JHY: variants seen among roughly 807,000 people sequenced by gnomAD.
JHY encodes junctional cadherin complex regulator, also known as jhy protein homolog.
Under a neutral mutation model 78.0 loss-of-function variants are expected in JHY, and 69 were observed. The observed-to-expected ratio is 0.88, with a 90% CI of 0.73 to 1.08. The LOEUF is 1.08. Among genes scored for constraint, JHY ranks in the 50% least tolerant of loss-of-function variants. JHY has a pLI of 0.00. For synonymous variants in JHY, 368 were observed against 342.6 expected (o/e 1.07, Z -0.82); for missense variants, 944 against 927.8 (o/e 1.02, Z -0.23).
intron 6 of JHY, among the ~76,000 whole-genome samples, chr11:122,955,723 TATAA>T (rs1216985168): frequency 6.6e-6 from 1 of 152,224 alleles, no homozygotes; most frequent in Non-Finnish European, 1.5e-5. Flanking sequence ...TCTTGAATAT[TATAA>T]ATAGATTATC....
At chr11:122,956,245 GTTTC>G (rs939301709) in intron 6 of JHY, among the ~76,000 whole-genome samples, 81 of 152,228 alleles carry the variant, frequency 5.3e-4, no homozygotes, top group African/African-American at 1.8e-3. Flanking sequence ...AGAATTTTAA[GTTTC>G]TTTATTGCAG....
In JHY at chr11:122,885,871, C is replaced by A; in HGVS notation, c.22C>A (p.Pro8Thr). The change falls in exon 2 of 9, where the codon CCC (proline) becomes ACC (threonine). Residue 8 changes from proline to threonine, a missense_variant. Physicochemically the swap from Pro to Thr is conservative, Grantham distance 38. Coordinates refer to ENST00000227349, the MANE Select transcript of JHY (RefSeq NM_024806.4). MSKRKLI[P>T]KLSIQSPVLH... ...CAAGATGAGTAAACGTAAACTAATT[C>A]CCAAGCTCTCTATTCAATCTCCTGT... 1 of 1,609,844 alleles carries A rather than the reference C, an allele frequency of 6.2e-7. No individual in the cohort carries two copies. Among genetic ancestry groups the A allele is most frequent in the Non-Finnish European group, 8.5e-7 (1 of 1,177,064 alleles).
At chr11:122,942,032 C>T (rs1863884434) in intron 5 of JHY, among the ~76,000 whole-genome samples, 2 of 152,062 alleles carry the variant, frequency 1.3e-5, no homozygotes, top group Admixed American at 6.6e-5. Context: ...ACACCATGCC[C>T]AGCTAATTTT....
chr11:122,947,345 C>T (rs1389202601), intron 6 of JHY: 1 of 152,574 alleles, frequency 6.6e-6, no homozygotes, highest in East Asian at 1.9e-4. Context: ...GAACTTTCCT[C>T]TCAAACATTA....
chr11:122,919,285 G>A (rs922801087), intron 3 of JHY, among the ~76,000 whole-genome samples: 1 of 149,782 alleles, frequency 6.7e-6, no homozygotes, highest in Non-Finnish European at 1.5e-5. Context: ...CCTGGGAGGC[G>A]GAGGTTGCAG....
chr11:122,941,358 C>T (rs1359375827), intron 5 of JHY, among the ~76,000 whole-genome samples: 1 of 152,198 alleles, frequency 6.6e-6, no homozygotes, highest in Admixed American at 6.5e-5. Flanking sequence ...GGTTCTTCCT[C>T]ATGCTTCTCC....
intron 2 of JHY, among the ~76,000 whole-genome samples, chr11:122,899,619 G>C (rs1447924674): frequency 6.6e-6 from 1 of 152,162 alleles, no homozygotes; most frequent in Non-Finnish European, 1.5e-5. Flanking sequence ...CAGCATACTA[G>C]GGCAGAAGTT....
rs185907246 is a variant in JHY at position 122,909,281 on chromosome 11, G to A, written c.864+4837G>A. 2.8e-3 allele frequency among the ~76,000 whole-genome samples: 430 copies of A among 152,232 alleles called. 1 individual carries two copies. The highest frequency in any genetic ancestry group is 4.0e-3 in the Non-Finnish European group (274 of 68,014). Reference sequence around the variant, plus strand: ...GAGAATAAATTAGTATAACCAGTACGGAGGACAATTTGTTAATATCTACTT... The same window carrying A: ...GAGAATAAATTAGTATAACCAGTACAGAGGACAATTTGTTAATATCTACTT... On this transcript the variant is annotated intron_variant, in intron 3 of 8. Coordinates refer to ENST00000227349, the MANE Select transcript of JHY (RefSeq NM_024806.4).
chr11:122,906,570 A>C (rs1862998772), intron 3 of JHY, among the ~76,000 whole-genome samples: 1 of 152,182 alleles, frequency 6.6e-6, no homozygotes, highest in African/African-American at 2.4e-5. Flanking sequence ...TTCTCAAAAG[A>C]AGCTGATCCG....
chr11:122,911,935 A>G (rs1287775768), intron 3 of JHY, among the ~76,000 whole-genome samples: 2 of 131,050 alleles, frequency 1.5e-5, no homozygotes, highest in Non-Finnish European at 3.3e-5. Flanking sequence ...AAAAAAAAAA[A>G]GAGACAAAGT....
At chr11:122,924,189 G>A (rs1260269531) in intron 3 of JHY, among the ~76,000 whole-genome samples, 3 of 151,932 alleles carry the variant, frequency 2.0e-5, no homozygotes, top group African/African-American at 7.3e-5. Flanking sequence ...TCTAACTAAA[G>A]TTGAGAACCA....
At chr11:122,906,812 A>C (rs1252995127) in intron 3 of JHY, among the ~76,000 whole-genome samples, 1 of 152,168 alleles carries the variant, frequency 6.6e-6, no homozygotes, top group Non-Finnish European at 1.5e-5. Context: ...TCTTTGTGCC[A>C]TGGAGGAAAC....
Position 122,956,515 on chromosome 11 carries a change from A to G in JHY, c.1949A>G (p.Tyr650Cys). The G allele has an allele frequency of 6.2e-7, 1 of 1,613,666 alleles. No homozygotes were observed. ...TTTTAGAACACCAAGCTGAAAGGTTATCAGAAAAGAGACGTGAAGCTTGGA... is the reference window on the plus strand; with the variant it reads ...TTTTAGAACACCAAGCTGAAAGGTTGTCAGAAAAGAGACGTGAAGCTTGGA... ...SSSKNTKLKGYQKRDVKLGGL... is the reference protein window; with the variant it reads ...SSSKNTKLKGCQKRDVKLGGL... Residue 650 changes from tyrosine to cysteine, a missense_variant, in exon 7 of 9, where the codon TAT becomes TGT. Transcript: ENST00000227349.
intron 2 of JHY, among the ~76,000 whole-genome samples, chr11:122,895,767 A>G (rs976473355): frequency 3.3e-5 from 5 of 152,216 alleles, no homozygotes; most frequent in Non-Finnish European, 5.9e-5. Flanking sequence ...GATGATGACT[A>G]ATGAAAGGGC....
intron 5 of JHY, among the ~76,000 whole-genome samples, chr11:122,940,292 CCT>C (rs879679930): frequency 0.031 from 4,766 of 152,144 alleles, 113 homozygotes; most frequent in East Asian, 0.11. Flanking sequence ...GAGCTGAGAT[CCT>C]GCCACTGCAC....
At chr11:122,950,781 C>T (rs758195717) in intron 6 of JHY, among the ~76,000 whole-genome samples, 13 of 152,252 alleles carry the variant, frequency 8.5e-5, no homozygotes, top group Non-Finnish European at 1.8e-4. Flanking sequence ...GAAAGTACTC[C>T]GACGACAGTG....
At chr11:122,928,616 T>G (rs1001823821) in intron 4 of JHY, among the ~76,000 whole-genome samples, 6 of 151,734 alleles carry the variant, frequency 4.0e-5, no homozygotes, top group Non-Finnish European at 8.8e-5. Context: ...AAATAAAACT[T>G]GAAGAAAGGT....
intron 5 of JHY, 109 bp from the exon 6 acceptor site, chr11:122,946,389 T>G (rs1863958701): frequency 8.5e-7 from 1 of 1,181,226 alleles, no homozygotes; most frequent in Non-Finnish European, 1.2e-6. Context: ...TTAATTTGAT[T>G]TGAGAGTGAT....
At chr11:122,900,642 G>A (rs1268773548) in intron 2 of JHY, among the ~76,000 whole-genome samples, 1 of 150,680 alleles carries the variant, frequency 6.6e-6, no homozygotes, top group Non-Finnish European at 1.5e-5. Context: ...TCTCAGGCAG[G>A]ACCGTATGCT....
Sources: allele counts gnomAD v4.1 joint callset (sites outside exome capture counted in the v4.1 genomes callset), GRCh38; gene constraint gnomAD v4.1.1; transcripts MANE v1.5; gene names NCBI Gene and HGNC (gene_info 2026-07-23, HGNC 2026-07-21).